The following PIBF1 variants were observed in gnomAD, a reference collection of about 807,000 sequenced individuals.
PIBF1 encodes the protein progesterone immunomodulatory binding factor 1.
A neutral mutation model predicts 112.5 loss-of-function variants in PIBF1; 90 were observed. The ratio of observed to expected loss-of-function variants is 0.80; its 90% CI spans 0.67 to 0.95. The LOEUF (loss-of-function observed/expected upper bound fraction) is 0.95, where lower values mean the gene tolerates loss of function less well. PIBF1 is among the 40% of genes least tolerant of loss of function. The pLI is 0.00. For synonymous variants in PIBF1, 301 were observed against 288.6 expected (o/e 1.04, Z -0.44); for missense variants, 915 against 852.3 (o/e 1.07, Z -0.92).
At chr13:72,981,118 A>G (rs1452242073) in intron 16 of PIBF1, among the ~76,000 whole-genome samples, 1 of 151,454 alleles carries the variant, frequency 6.6e-6, no homozygotes, top group African/African-American at 2.4e-5. Context: ...GGTGGCAGAC[A>G]CCCGTAGTCC....
At chr13:72,839,898 C>A (rs955289669) in intron 9 of PIBF1, among the ~76,000 whole-genome samples, 2 of 151,954 alleles carry the variant, frequency 1.3e-5, no homozygotes, top group African/African-American at 4.8e-5. Flanking sequence ...TTCTTCTGAC[C>A]CCCTATCCAC....
intron 16 of PIBF1, among the ~76,000 whole-genome samples, chr13:72,979,740 A>G (rs60520995): frequency 0.12 from 18,950 of 151,970 alleles, 3,064 homozygotes; most frequent in African/African-American, 0.37. Context: ...TGGCTAACAC[A>G]GTGAAACCTG....
intron 2 of PIBF1, among the ~76,000 whole-genome samples, chr13:72,786,282 G>A (rs1305212675): frequency 1.3e-5 from 2 of 152,112 alleles, no homozygotes; most frequent in Non-Finnish European, 2.9e-5. Flanking sequence ...TGCAATAGTC[G>A]TGTTCCTGAG....
intron 8 of PIBF1, among the ~76,000 whole-genome samples, chr13:72,832,497 A>G (rs2037171309): frequency 1.3e-5 from 2 of 152,046 alleles, no homozygotes; most frequent in Non-Finnish European, 2.9e-5. Flanking sequence ...CTTGTCTGTA[A>G]AGGATTTTAT....
chr13:72,894,057 CAAA>C (rs66856837), intron 11 of PIBF1, 108 bp downstream of exon 11: 41 of 82,670 alleles, frequency 5.0e-4, no homozygotes, highest in African/African-American at 6.5e-4. Context: ...CTATCCTGCA[CAAA>C]AAAAAAAAAA....
chr13:72,975,598 A>G (rs555650116), intron 16 of PIBF1, among the ~76,000 whole-genome samples: 2 of 152,276 alleles, frequency 1.3e-5, no homozygotes, highest in Admixed American at 6.5e-5. Context: ...CTTCTATGTG[A>G]TGGGTGAAAA....
intron 9 of PIBF1, among the ~76,000 whole-genome samples, chr13:72,852,297 A>G (rs895829188): frequency 6.6e-6 from 1 of 152,182 alleles, no homozygotes; most frequent in African/African-American, 2.4e-5. Flanking sequence ...ACACCACTGC[A>G]TTCCCCGGTG....
intron 2 of PIBF1, among the ~76,000 whole-genome samples, chr13:72,791,860 CCGACCTCA>C (rs2034948166): frequency 6.6e-6 from 1 of 151,452 alleles, no homozygotes; most frequent in Non-Finnish European, 1.5e-5. Flanking sequence ...TCTTGAACTC[CCGACCTCA>C]AGTTGTCTGC....
intron 5 of PIBF1, among the ~76,000 whole-genome samples, chr13:72,803,652 TAG>T (rs1285434484): frequency 6.6e-6 from 1 of 152,206 alleles, no homozygotes; most frequent in African/African-American, 2.4e-5. Context: ...TCTTAATAGC[TAG>T]AGTTTTAATT....
At chr13:72,999,049 G>T (rs2043774233) in intron 17 of PIBF1, 54 bp downstream of exon 17, 1 of 1,174,756 alleles carries the variant, frequency 8.5e-7, no homozygotes, top group Non-Finnish European at 1.2e-6. Flanking sequence ...CTTACTAAAT[G>T]TATTTTAGTT....
At chr13:72,950,124 C>G (rs2042257578) in intron 14 of PIBF1, among the ~76,000 whole-genome samples, 1 of 152,142 alleles carries the variant, frequency 6.6e-6, no homozygotes, top group Non-Finnish European at 1.5e-5. Flanking sequence ...CCCTTTTCTG[C>G]CCCTTTGAGC....
intron 17 of PIBF1, among the ~76,000 whole-genome samples, chr13:73,006,342 A>T (rs1200750276): frequency 2.0e-5 from 3 of 152,160 alleles, no homozygotes; most frequent in Non-Finnish European, 4.4e-5. Flanking sequence ...TGTCAGGAAC[A>T]CTAATTGTAA....
chr13:72,850,474 T>C (rs534019170), intron 9 of PIBF1, among the ~76,000 whole-genome samples: 2 of 152,318 alleles, frequency 1.3e-5, no homozygotes, highest in Admixed American at 1.3e-4. Flanking sequence ...GATGTTAGCT[T>C]GTTCTAGGTT....
chr13:72,804,888 A>G (rs529033415), intron 5 of PIBF1, among the ~76,000 whole-genome samples: 9 of 152,226 alleles, frequency 5.9e-5, no homozygotes, highest in Non-Finnish European at 8.8e-5. Flanking sequence ...ACTTTGTTCA[A>G]TAAGTGTTCA....
chr13:72,879,443 A>T (rs4885049), intron 10 of PIBF1, among the ~76,000 whole-genome samples: 1 of 151,968 alleles, frequency 6.6e-6, no homozygotes, highest in Non-Finnish European at 1.5e-5. Flanking sequence ...GAGAGGAGGG[A>T]ATTGAAATAA....
intron 17 of PIBF1, among the ~76,000 whole-genome samples, chr13:73,000,771 C>T (rs2043836987): frequency 6.6e-6 from 1 of 152,094 alleles, no homozygotes; most frequent in Non-Finnish European, 1.5e-5. Flanking sequence ...GCTTGGTAAC[C>T]TGATTGTGAT....
At chr13:72,967,161 C>A (rs753752336) in intron 15 of PIBF1, among the ~76,000 whole-genome samples, 5 of 152,012 alleles carry the variant, frequency 3.3e-5, no homozygotes, top group Non-Finnish European at 7.4e-5. Context: ...GTCTTGAACT[C>A]CTGACCTCAT....
At chr13:73,010,236 T>G (rs1238435515) in intron 17 of PIBF1, among the ~76,000 whole-genome samples, 1 of 151,214 alleles carries the variant, frequency 6.6e-6, no homozygotes, top group Non-Finnish European at 1.5e-5. Context: ...CTAGTTTTTT[T>G]TTTTTTTTTT....
intron 5 of PIBF1, among the ~76,000 whole-genome samples, chr13:72,820,814 T>C (rs1314012295): frequency 6.6e-6 from 1 of 152,156 alleles, no homozygotes; most frequent in African/African-American, 2.4e-5. Flanking sequence ...GTTGCAAGAT[T>C]TGATGAGTTC....
Sources: gnomAD v4.1 joint callset for allele counts (sites outside exome capture counted in the v4.1 genomes callset) on GRCh38, gnomAD v4.1.1 for gene constraint, MANE v1.5 for transcripts, NCBI Gene and HGNC (gene_info 2026-07-23, HGNC 2026-07-21) for gene names.